The following UXS1 variants were observed in gnomAD, a reference collection of about 807,000 sequenced individuals.
The protein encoded by UXS1 is UDP-glucuronate decarboxylase 1.
UXS1 carries 33 observed loss-of-function variants against 62.6 expected under a neutral mutation model. The ratio of observed to expected loss-of-function variants is 0.53; its 90% confidence interval spans 0.40 to 0.70. The LOEUF is 0.70. UXS1 is among the 30% of genes least tolerant of loss of function. The pLI, the probability that UXS1 is intolerant of heterozygous loss-of-function variation, is 0.00. For synonymous variants in UXS1, 213 were observed against 206.8 expected (o/e 1.03, Z -0.26); for missense variants, 434 against 556.3 (o/e 0.78, Z 2.21).
intron 1 of UXS1, among the ~76,000 whole-genome samples, chr2:106,182,961 A>T (rs555371046): frequency 1.3e-5 from 2 of 152,310 alleles, no homozygotes; most frequent in East Asian, 3.9e-4. Context: ...GCACTGGGGT[A>T]AGGGAGCAGG....
chr2:106,113,561 T>C (rs1472653852), intron 9 of UXS1, among the ~76,000 whole-genome samples: 1 of 152,274 alleles, frequency 6.6e-6, no homozygotes, highest in Non-Finnish European at 1.5e-5. Context: ...AACAAAAGCC[T>C]GCTCTAAGTG....
intron 1 of UXS1, among the ~76,000 whole-genome samples, chr2:106,192,555 CAAA>C (rs11308303): frequency 1.5e-5 from 2 of 129,990 alleles, no homozygotes; most frequent in Admixed American, 7.6e-5. Flanking sequence ...GACTCCGTCT[CAAA>C]AAAAAAAAAA....
At chr2:106,098,264 GGTGCTCCCA>G (rs1456358985) in intron 13 of UXS1, among the ~76,000 whole-genome samples, 2 of 152,226 alleles carry the variant, frequency 1.3e-5, no homozygotes, top group African/African-American at 4.8e-5. Flanking sequence ...ACCTTGATGG[GGTGCTCCCA>G]ATGCTACACT....
intron 14 of UXS1, 137 bp from the exon 15 acceptor site, chr2:106,094,294 C>G (rs917669041): frequency 1.2e-6 from 1 of 810,996 alleles, no homozygotes; most frequent in Non-Finnish European, 1.7e-6. Context: ...ACTCACAGAA[C>G]CATGCTTTGG....
intron 6 of UXS1, among the ~76,000 whole-genome samples, chr2:106,137,149 G>A (rs1008544320): frequency 1.1e-4 from 16 of 152,092 alleles, no homozygotes; most frequent in Non-Finnish European, 2.2e-4. Context: ...CAAGTAAAAG[G>A]AAATCCTGCG....
At chr2:106,170,275 G>A (rs1032647059) in intron 1 of UXS1, among the ~76,000 whole-genome samples, 1 of 152,142 alleles carries the variant, frequency 6.6e-6, no homozygotes, top group African/African-American at 2.4e-5. Flanking sequence ...ACTCATCTGA[G>A]CATCTGATTC....
At chr2:106,124,634 T>A (rs1440912140) in intron 8 of UXS1, among the ~76,000 whole-genome samples, 2 of 152,110 alleles carry the variant, frequency 1.3e-5, no homozygotes, top group Non-Finnish European at 2.9e-5. Flanking sequence ...AGATAATAAA[T>A]GAGATGAGTA....
intron 14 of UXS1, among the ~76,000 whole-genome samples, chr2:106,095,813 C>G (rs905347443): frequency 6.6e-6 from 1 of 152,214 alleles, no homozygotes; most frequent in Non-Finnish European, 1.5e-5. Context: ...CAGGTGGTCT[C>G]TGAAGGACAC....
chr2:106,186,473 C>CACACAT (rs1195105703), intron 1 of UXS1, among the ~76,000 whole-genome samples: 2 of 151,568 alleles, frequency 1.3e-5, no homozygotes, highest in African/African-American at 4.9e-5. Context: ...CACACACACA[C>CACACAT]ACATATACAT....
intron 1 of UXS1, among the ~76,000 whole-genome samples, chr2:106,190,373 T>C (rs930245307): frequency 4.6e-5 from 7 of 152,072 alleles, no homozygotes; most frequent in African/African-American, 7.2e-5. Flanking sequence ...CACTAGGTAA[T>C]ATCTACAACT....
rs202051802 is a variant in UXS1 at position 106,145,335 on chromosome 2, T to C, written c.327A>G (p.Leu109=). 2.5e-5 allele frequency: 41 copies of C among 1,613,958 alleles called. No homozygotes were observed. In the African/African-American group the frequency reaches 4.4e-4, roughly 17 times the overall value. Residue 109 remains leucine (L), a synonymous_variant, in exon 6 of 15, where the codon CTA becomes CTG. Coordinates refer to ENST00000283148, the MANE Select transcript of UXS1 (RefSeq NM_001253875.2). ...GGCCGTCCATCATGAGTTTGTCAGTTAGATGGGAGCCCACGAACCCTGCGC... is the reference window on the plus strand; with the variant it reads ...GGCCGTCCATCATGAGTTTGTCAGTCAGATGGGAGCCCACGAACCCTGCGC... ...TGGAGFVGSH[L]TDKLMMDGHE...
At chr2:106,122,050 C>T (rs1679564473) in intron 9 of UXS1, among the ~76,000 whole-genome samples, 2 of 152,172 alleles carry the variant, frequency 1.3e-5, no homozygotes, top group South Asian at 4.1e-4. Flanking sequence ...CTTGCCCCTC[C>T]TACAGAGCAC....
rs373893940 is a variant in UXS1 at position 106,093,981 on chromosome 2, C to T, written c.*45G>A. On this transcript the variant is annotated 3_prime_UTR_variant, in exon 15 of 15. Transcript: ENST00000283148. Reference sequence around the variant, plus strand: ...AACAAAAAAAAGCCAAAAATACATCCCATCAAGTGTACAATGGTAGTCTTG... The same window carrying T: ...AACAAAAAAAAGCCAAAAATACATCTCATCAAGTGTACAATGGTAGTCTTG... The T allele has an allele frequency of 2.2e-5, 33 of 1,514,114 alleles. No homozygotes were observed. Among genetic ancestry groups the T allele is most frequent in the Middle Eastern group, 3.5e-4 (2 of 5,752 alleles). The allele number at this position is 1,514,114 out of a possible 1,614,324, so 93.8% of individuals were successfully genotyped here.
chr2:106,097,573 T>G, intron 13 of UXS1: 1 of 242,428 alleles, frequency 4.1e-6, no homozygotes, highest in Non-Finnish European at 8.5e-6. Flanking sequence ...AGCCTTAGGT[T>G]TCAAATAGTG....
chr2:106,152,922 C>T (rs930756204), intron 5 of UXS1, among the ~76,000 whole-genome samples: 5 of 152,146 alleles, frequency 3.3e-5, no homozygotes, highest in Non-Finnish European at 7.3e-5. Flanking sequence ...AGAGGTGTTG[C>T]TCCCACCCCA....
chr2:106,146,142 AC>A (rs763288843), intron 5 of UXS1, among the ~76,000 whole-genome samples: 2 of 152,358 alleles, frequency 1.3e-5, no homozygotes, highest in East Asian at 3.9e-4. Context: ...AAATGGTGTA[AC>A]TGGAGGAGGA....
intron 1 of UXS1, among the ~76,000 whole-genome samples, chr2:106,174,634 T>C (rs142495624): frequency 2.2e-4 from 33 of 152,184 alleles, no homozygotes; most frequent in East Asian, 1.9e-4. Flanking sequence ...GGGGCGCACG[T>C]AGTGAGAGGC....
intron 5 of UXS1, 91 bp downstream of exon 5, chr2:106,157,967 G>A (rs1682575343): frequency 8.8e-7 from 1 of 1,131,088 alleles, no homozygotes; most frequent in Non-Finnish European, 1.3e-6. Flanking sequence ...GTATCTTTGA[G>A]AAGCGTGAAT....
At chr2:106,167,234 G>A (rs1040809344) in intron 1 of UXS1, among the ~76,000 whole-genome samples, 9 of 152,128 alleles carry the variant, frequency 5.9e-5, no homozygotes, top group Admixed American at 2.0e-4. Context: ...GAGCATAGGC[G>A]GTCCTAATAT....
Sources: allele counts gnomAD v4.1 joint callset (sites outside exome capture counted in the v4.1 genomes callset), GRCh38; gene constraint gnomAD v4.1.1; transcripts MANE v1.5; gene names NCBI Gene and HGNC (gene_info 2026-07-23, HGNC 2026-07-21).